PCDH15: variants seen among roughly 807,000 people sequenced by gnomAD.
The protein encoded by PCDH15 is protocadherin related 15.
In PCDH15, 129 loss-of-function variants were observed where a neutral mutation model predicts 178.5. That is an observed-to-expected ratio of 0.72 (90% confidence interval 0.63 to 0.84). The LOEUF (loss-of-function observed/expected upper bound fraction) is 0.84, where lower values mean the gene tolerates loss of function less well. PCDH15 is among the 40% of genes least tolerant of loss of function. The pLI is 0.00. For synonymous variants in PCDH15, 800 were observed against 732.0 expected (o/e 1.09, Z -1.50); for missense variants, 2,230 against 2,099.9 (o/e 1.06, Z -1.21).
intron 2 of PCDH15, among the ~76,000 whole-genome samples, chr10:55,539,351 T>A (rs757490298): frequency 1.3e-5 from 2 of 152,020 alleles, no homozygotes; most frequent in Non-Finnish European, 2.9e-5. Context: ...ATTATCATCA[T>A]CATTATCATT....
chr10:54,670,284 A>T (rs889592418), intron 1 of PCDH15, among the ~76,000 whole-genome samples: 12 of 152,154 alleles, frequency 7.9e-5, no homozygotes, highest in African/African-American at 2.9e-4. Flanking sequence ...ATTAGATGAG[A>T]CTAATTTAAC....
chr10:54,114,015 T>A (rs1156334087), intron 15 of PCDH15, among the ~76,000 whole-genome samples: 2 of 152,082 alleles, frequency 1.3e-5, no homozygotes, highest in African/African-American at 2.4e-5. Flanking sequence ...GAGAATGGCA[T>A]AGGAAAATCT....
chr10:54,149,534 G>A (rs1426670428), intron 14 of PCDH15, among the ~76,000 whole-genome samples: 1 of 152,128 alleles, frequency 6.6e-6, no homozygotes, highest in Non-Finnish European at 1.5e-5. Flanking sequence ...CAACTGGAAT[G>A]GACTAAGAAA....
At chr10:55,289,513 A>G (rs1588883362) in intron 1 of PCDH15, among the ~76,000 whole-genome samples, 1 of 151,838 alleles carries the variant, frequency 6.6e-6, no homozygotes, top group East Asian at 1.9e-4. Flanking sequence ...GAAGAAAGAA[A>G]AGTGTTAAAA....
intron 2 of PCDH15, among the ~76,000 whole-genome samples, chr10:55,112,360 C>A (rs72801641): frequency 0.046 from 7,023 of 152,198 alleles, 221 homozygotes; most frequent in Non-Finnish European, 0.079. Flanking sequence ...AGGCAGTCTG[C>A]TTAGTACCCA....
chr10:53,831,645 TGA>T, intron 29 of PCDH15, 112 bp from the exon 30 acceptor site: 2 of 769,314 alleles, frequency 2.6e-6, no homozygotes, highest in Non-Finnish European at 4.2e-6. Flanking sequence ...AAACACAAGC[TGA>T]GTCAGAAGTC....
At chr10:54,237,102 G>A (rs953627462) in intron 8 of PCDH15, among the ~76,000 whole-genome samples, 171 bp from the exon 9 acceptor site, 10 of 152,134 alleles carry the variant, frequency 6.6e-5, no homozygotes, top group Non-Finnish European at 1.2e-4. Flanking sequence ...TTAAGGGGGA[G>A]CAAAGTATTC....
chr10:54,710,395 C>G (rs1205864515), intron 1 of PCDH15, among the ~76,000 whole-genome samples: 1 of 151,986 alleles, frequency 6.6e-6, no homozygotes, highest in Non-Finnish European at 1.5e-5. Context: ...TTTAATAATA[C>G]TGATTAGATT....
chr10:54,214,009 G>A lies in PCDH15; in HGVS notation c.1025C>T (p.Pro342Leu). 6.2e-7 allele frequency: 1 copy of A among 1,611,166 alleles called. No individual in the cohort carries two copies. The highest frequency in any genetic ancestry group is 8.5e-7 in the Non-Finnish European group (1 of 1,177,616). Residue 342 changes from proline to leucine, a missense_variant, in exon 10 of 38, where the codon CCT (proline) becomes CTT (leucine). By Grantham distance (98) the Pro-to-Leu change is moderately conservative. Transcript: ENST00000644397. Reference sequence around the variant, plus strand: ...CAGGAGACTAAGTTCTGCTGTCCTAGGATGCATATGGAAAAATCGTGGGTA... The same window carrying A: ...CAGGAGACTAAGTTCTGCTGTCCTAAGATGCATATGGAAAAATCGTGGGTA... ...EDYPRFFHMH[P>L]RTAELSLLEP...
chr10:53,876,955 T>C (rs1048489855), intron 26 of PCDH15, among the ~76,000 whole-genome samples: 2 of 152,092 alleles, frequency 1.3e-5, no homozygotes, highest in African/African-American at 2.4e-5. Context: ...TTTATCAAAA[T>C]TTACTCTTAA....
chr10:55,624,907 A>G (rs144653263), intron 2 of PCDH15, among the ~76,000 whole-genome samples: 70 of 152,302 alleles, frequency 4.6e-4, no homozygotes, highest in African/African-American at 1.5e-3. Flanking sequence ...GAAATTTACT[A>G]GAAAAAAAAT....
Position 55,077,002 on chromosome 10 carries a change from C to T in PCDH15, c.-80+89574G>A, listed in dbSNP as rs557650242. 2.4e-4 allele frequency among the ~76,000 whole-genome samples: 37 copies of T among 151,040 alleles called. No individual in the cohort carries two copies. In the South Asian group the frequency reaches 6.1e-3, roughly 25 times the overall value. On this transcript the variant is annotated intron_variant, in intron 2 of 5. Transcript: ENST00000458638. ...CAGGCTGGTCTCAAATTCCTAACCTCGTGATCCGCCCGCCTCAGCCTCCCA... is the reference window on the plus strand; with the variant it reads ...CAGGCTGGTCTCAAATTCCTAACCTTGTGATCCGCCCGCCTCAGCCTCCCA...
At chr10:54,494,918 T>C (rs545570662) in intron 3 of PCDH15, among the ~76,000 whole-genome samples, 1 of 152,126 alleles carries the variant, frequency 6.6e-6, no homozygotes, top group African/African-American at 2.4e-5. Context: ...TATGCAGCCC[T>C]ACAGTTGTCT....
intron 1 of PCDH15, among the ~76,000 whole-genome samples, chr10:55,167,563 T>C (rs1839228991): frequency 6.6e-6 from 1 of 152,146 alleles, no homozygotes; most frequent in Admixed American, 6.5e-5. Context: ...AAAATTGAAG[T>C]TATAAAAGTT....
intron 2 of PCDH15, among the ~76,000 whole-genome samples, chr10:55,403,750 T>G (rs1464927360): frequency 6.6e-6 from 1 of 152,048 alleles, no homozygotes; most frequent in Non-Finnish European, 1.5e-5. Context: ...CAATGTCAGA[T>G]AGTATGATGC....
intron 23 of PCDH15, among the ~76,000 whole-genome samples, chr10:53,942,370 G>T (rs1320150690): frequency 1.3e-5 from 2 of 151,728 alleles, no homozygotes; most frequent in Non-Finnish European, 2.9e-5. Flanking sequence ...CAAGTGCTTT[G>T]GGTAAGGCTT....
intron 1 of PCDH15, among the ~76,000 whole-genome samples, chr10:55,275,407 T>G (rs1160474962): frequency 1.3e-5 from 2 of 152,040 alleles, no homozygotes; most frequent in Non-Finnish European, 2.9e-5. Context: ...TCCCAATATC[T>G]CTATTGCACA....
intron 20 of PCDH15, among the ~76,000 whole-genome samples, chr10:53,996,940 C>G (rs957862984): frequency 6.6e-6 from 1 of 152,142 alleles, no homozygotes; most frequent in East Asian, 1.9e-4. Flanking sequence ...TGCTTAGACA[C>G]AACAATTTTC....
At chr10:53,810,778 C>G in intron 36 of PCDH15, 114 bp from the exon 37 acceptor site, 1 of 909,984 alleles carries the variant, frequency 1.1e-6, no homozygotes, top group Non-Finnish European at 1.8e-6. Context: ...GATATTTACA[C>G]AGCACCTATC....
Sources: allele counts gnomAD v4.1 joint callset (sites outside exome capture counted in the v4.1 genomes callset), GRCh38; gene constraint gnomAD v4.1.1; transcripts MANE v1.5; gene names NCBI Gene and HGNC (gene_info 2026-07-23, HGNC 2026-07-21).